Variants in CNGB3 observed in about 807,000 individuals in gnomAD.
The protein encoded by CNGB3 is cyclic nucleotide-gated channel beta-3.
A neutral mutation model predicts 92.8 loss-of-function variants in CNGB3; 86 were observed. That is an observed-to-expected ratio of 0.93 (90% CI 0.78 to 1.11). The LOEUF (loss-of-function observed/expected upper bound fraction) is 1.11. Ranked by LOEUF, CNGB3 falls within the 50% of genes least tolerant of loss-of-function variation. The pLI, the probability that CNGB3 is intolerant of heterozygous loss-of-function variation, is 0.00. For synonymous variants in CNGB3, 333 were observed against 332.7 expected (o/e 1.00, Z -0.01); for missense variants, 1,026 against 956.8 (o/e 1.07, Z -0.95).
chr8:86,741,097 A>C (rs7003307), intron 1 of CNGB3, among the ~76,000 whole-genome samples: 114,988 of 152,002 alleles, frequency 0.76, 43,839 homozygotes, highest in African/African-American at 0.84. Context: ...TGTGTAAATG[A>C]GCTCTTTAAA....
At chr8:86,724,801 A>T (rs967889462) in intron 3 of CNGB3, among the ~76,000 whole-genome samples, 1 of 152,090 alleles carries the variant, frequency 6.6e-6, no homozygotes, top group Admixed American at 6.6e-5. Flanking sequence ...GAACAAGCAG[A>T]GGAAGTAGTA....
chr8:86,734,277 C>A (rs1365167860), intron 2 of CNGB3, among the ~76,000 whole-genome samples: 1 of 152,078 alleles, frequency 6.6e-6, no homozygotes, highest in Non-Finnish European at 1.5e-5. Flanking sequence ...TGATAGGGAC[C>A]TGGGCAAGGC....
At chr8:86,591,845 C>T (rs1369737783) in intron 15 of CNGB3, among the ~76,000 whole-genome samples, 5 of 152,174 alleles carry the variant, frequency 3.3e-5, no homozygotes, top group Non-Finnish European at 7.3e-5. Context: ...AGGCAGGCCT[C>T]CTTGAGCTGT....
chr8:86,576,322 G>C (rs930753268), intron 17 of CNGB3, among the ~76,000 whole-genome samples, 192 bp from the exon 18 acceptor site: 1 of 152,010 alleles, frequency 6.6e-6, no homozygotes, highest in Non-Finnish European at 1.5e-5. Context: ...GAATGGACTT[G>C]TTGCCTTTGA....
At chr8:86,646,861 A>G (rs1823299158) in intron 8 of CNGB3, among the ~76,000 whole-genome samples, 1 of 151,208 alleles carries the variant, frequency 6.6e-6, no homozygotes, top group African/African-American at 2.4e-5. Flanking sequence ...TTTATGTCTT[A>G]TAACCATTTT....
chr8:86,629,732 A>G (rs1036418417), intron 11 of CNGB3, among the ~76,000 whole-genome samples: 1 of 152,200 alleles, frequency 6.6e-6, no homozygotes, highest in Non-Finnish European at 1.5e-5. Flanking sequence ...AGCATCATCT[A>G]CTGCTGTGAC....
intron 3 of CNGB3, among the ~76,000 whole-genome samples, chr8:86,674,481 C>T (rs779464856): frequency 2.0e-5 from 3 of 152,094 alleles, no homozygotes. Flanking sequence ...TTCTCCTCTG[C>T]CTATATACAT....
intron 15 of CNGB3, among the ~76,000 whole-genome samples, chr8:86,599,977 C>T (rs1822255906): frequency 6.6e-6 from 1 of 152,150 alleles, no homozygotes. Flanking sequence ...GGTTTTGTGG[C>T]TTGTGGGACA....
chr8:86,609,140 A>G (rs1822471332), intron 14 of CNGB3, among the ~76,000 whole-genome samples: 1 of 152,208 alleles, frequency 6.6e-6, no homozygotes, highest in Non-Finnish European at 1.5e-5. Flanking sequence ...AGAAATGAAA[A>G]GGCTGCATCT....
chr8:86,582,817 A>G (rs1585946071), intron 15 of CNGB3, among the ~76,000 whole-genome samples: 1 of 152,240 alleles, frequency 6.6e-6, no homozygotes. Flanking sequence ...TTGCCCTGCA[A>G]AAAACATTTA....
At chr8:86,619,079 T>C (rs1822673704) in intron 13 of CNGB3, among the ~76,000 whole-genome samples, 1 of 152,266 alleles carries the variant, frequency 6.6e-6, no homozygotes, top group South Asian at 2.1e-4. Flanking sequence ...TGTGCCTTCC[T>C]TGTCGGACTG....
At chr8:86,700,935 C>T (rs551672632) in intron 3 of CNGB3, among the ~76,000 whole-genome samples, 19 of 152,136 alleles carry the variant, frequency 1.2e-4, no homozygotes, top group Non-Finnish European at 2.1e-4. Flanking sequence ...CCACTGTGCC[C>T]GGCTGGGAAG....
chr8:86,741,317 C>T (rs1466435393), intron 1 of CNGB3, among the ~76,000 whole-genome samples: 1 of 152,080 alleles, frequency 6.6e-6, no homozygotes, highest in Admixed American at 6.6e-5. Flanking sequence ...TTTTCCCATA[C>T]CCACATGTTC....
At chr8:86,633,715 C>T (rs377167900) in intron 10 of CNGB3, among the ~76,000 whole-genome samples, 1 of 152,204 alleles carries the variant, frequency 6.6e-6, no homozygotes, top group South Asian at 2.1e-4. Context: ...TGTTTTTAAA[C>T]TACTACACTA....
chr8:86,632,747 C>A lies in CNGB3; in HGVS notation c.1320+5G>T. Reference sequence around the variant, plus strand: ...TGTGTATCCAGTGATTCATACTCAGCTTACCTGACCAATTAAACTGGAGAA... The same window carrying A: ...TGTGTATCCAGTGATTCATACTCAGATTACCTGACCAATTAAACTGGAGAA... On this transcript the variant is annotated splice_donor_5th_base_variant and intron_variant, in intron 11 of 17. Coordinates refer to ENST00000320005, the MANE Select transcript of CNGB3 (RefSeq NM_019098.5). 2 of 1,612,964 alleles carry A rather than the reference C, an allele frequency of 1.2e-6. No individual in the cohort carries two copies. The highest frequency in any genetic ancestry group is 1.1e-5 in the South Asian group (1 of 91,010).
At chr8:86,718,844 A>C (rs1477305415) in intron 3 of CNGB3, among the ~76,000 whole-genome samples, 1 of 152,154 alleles carries the variant, frequency 6.6e-6, no homozygotes, top group Non-Finnish European at 1.5e-5. Context: ...GATTTATACC[A>C]GGGATACAGG....
chr8:86,592,847 T>C (rs1221989464), intron 15 of CNGB3, among the ~76,000 whole-genome samples: 2 of 152,364 alleles, frequency 1.3e-5, no homozygotes, highest in East Asian at 3.9e-4. Context: ...AGATAACCTG[T>C]GTAGACTTTT....
At chr8:86,734,872 A>G (rs1825217940) in intron 2 of CNGB3, among the ~76,000 whole-genome samples, 1 of 152,062 alleles carries the variant, frequency 6.6e-6, no homozygotes, top group Admixed American at 6.6e-5. Flanking sequence ...TGCTTTACAT[A>G]TATTAACTAA....
intron 15 of CNGB3, among the ~76,000 whole-genome samples, chr8:86,589,800 A>G (rs1219163287): frequency 6.6e-6 from 1 of 151,970 alleles, no homozygotes. Flanking sequence ...TGGTGCTGAA[A>G]AAAATGTATA....
Sources: allele counts gnomAD v4.1 joint callset (sites outside exome capture counted in the v4.1 genomes callset), GRCh38; gene constraint gnomAD v4.1.1; transcripts MANE v1.5; gene names NCBI Gene and HGNC (gene_info 2026-07-23, HGNC 2026-07-21).